The following RBFOX1 variants were observed in gnomAD, a reference collection of about 807,000 sequenced individuals.
RBFOX1 encodes the protein RNA binding protein fox-1 homolog 1.
In RBFOX1, 8 loss-of-function variants were observed where a neutral mutation model predicts 57.7. The ratio of observed to expected loss-of-function variants is 0.14; its 90% CI spans 0.08 to 0.25. RBFOX1 has a LOEUF of 0.25. Ranked by LOEUF, RBFOX1 falls within the 10% of genes least tolerant of loss-of-function variation. The probability of loss-of-function intolerance (pLI) is 1.00; values close to 1 mark genes in which losing one functional copy is unlikely to be tolerated. For missense variants in RBFOX1, 611 were observed against 548.5 expected (o/e 1.11, Z -1.14); for synonymous variants, 326 against 222.4 (o/e 1.47, Z -4.15).
At chr16:6,975,307 C>T (rs1455641952) in intron 3 of RBFOX1, among the ~76,000 whole-genome samples, 1 of 152,038 alleles carries the variant, frequency 6.6e-6, no homozygotes, top group Non-Finnish European at 1.5e-5. Flanking sequence ...ATTCTGTCAC[C>T]CAGGCTGGAG....
At chr16:6,630,767 T>C (rs1305254898) in intron 2 of RBFOX1, among the ~76,000 whole-genome samples, 4 of 151,934 alleles carry the variant, frequency 2.6e-5, no homozygotes, top group Admixed American at 2.0e-4. Context: ...GAGAAGGAGG[T>C]TGAAATTGTA....
chr16:7,591,539 T>A (rs2094442768), intron 7 of RBFOX1, among the ~76,000 whole-genome samples: 3 of 152,160 alleles, frequency 2.0e-5, no homozygotes, highest in Non-Finnish European at 4.4e-5. Context: ...AGTAAGCAAG[T>A]CACGTTGGTC....
chr16:5,532,575 G>C, intron 2 of RBFOX1, among the ~76,000 whole-genome samples: 1 of 152,206 alleles, frequency 6.6e-6, no homozygotes, highest in East Asian at 1.9e-4. Flanking sequence ...GTACAGCACA[G>C]AGCAGCACTG....
At chr16:7,519,618 AACC>A in intron 5 of RBFOX1, 3 of 828,396 alleles carry the variant, frequency 3.6e-6, no homozygotes, top group Non-Finnish European at 4.4e-6. Context: ...CATACCACAA[AACC>A]TGTATGGAAC....
intron 2 of RBFOX1, among the ~76,000 whole-genome samples, chr16:6,478,746 A>G (rs1033807817): frequency 1.3e-5 from 2 of 151,890 alleles, no homozygotes; most frequent in Admixed American, 1.3e-4. Flanking sequence ...GAGCAGGGGG[A>G]ATGGCCTGTC....
At chr16:5,412,341 CAAAGT>C (rs759027687) in intron 1 of RBFOX1, among the ~76,000 whole-genome samples, 20 of 152,288 alleles carry the variant, frequency 1.3e-4, no homozygotes, top group Non-Finnish European at 2.6e-4. Flanking sequence ...ATGCTAGGCA[CAAAGT>C]AAATACTCAA....
intron 3 of RBFOX1, among the ~76,000 whole-genome samples, chr16:5,687,977 CT>C (rs1264951551): frequency 6.6e-6 from 1 of 152,116 alleles, no homozygotes; most frequent in Non-Finnish European, 1.5e-5. Flanking sequence ...TGTAATTTTT[CT>C]TCTCGTTCTC....
chr16:6,949,963 T>C (rs1053966144), intron 3 of RBFOX1, among the ~76,000 whole-genome samples: 17 of 151,752 alleles, frequency 1.1e-4, no homozygotes, highest in Non-Finnish European at 1.5e-5. Context: ...TTGTTGTTTT[T>C]TGGTACAGAG....
chr16:5,508,441 C>T (rs949956079), intron 2 of RBFOX1, among the ~76,000 whole-genome samples: 4 of 152,210 alleles, frequency 2.6e-5, no homozygotes, highest in African/African-American at 9.6e-5. Flanking sequence ...CTGCAGCCTT[C>T]CTGTGGGCAT....
At chr16:7,408,713 C>T (rs951218839) in intron 4 of RBFOX1, among the ~76,000 whole-genome samples, 1 of 152,168 alleles carries the variant, frequency 6.6e-6, no homozygotes, top group African/African-American at 2.4e-5. Flanking sequence ...AGGTAGACAT[C>T]CCATGCATTG....
intron 3 of RBFOX1, among the ~76,000 whole-genome samples, chr16:7,033,726 A>T (rs951665876): frequency 1.3e-5 from 2 of 151,888 alleles, no homozygotes; most frequent in African/African-American, 2.4e-5. Context: ...GGGCGTGGCG[A>T]CTTATGCCTG....
chr16:7,045,748 C>G (rs1031357648), intron 3 of RBFOX1, among the ~76,000 whole-genome samples: 1 of 152,028 alleles, frequency 6.6e-6, no homozygotes, highest in Admixed American at 6.6e-5. Context: ...CTCTGCCACC[C>G]AGGTTCAAGC....
intron 2 of RBFOX1, among the ~76,000 whole-genome samples, chr16:6,515,974 C>G (rs538940396): frequency 6.6e-6 from 1 of 152,106 alleles, no homozygotes; most frequent in African/African-American, 2.4e-5. Flanking sequence ...ATACCTGAAC[C>G]CTGTATTTAG....
chr16:7,013,363 C>A (rs2093743643), intron 3 of RBFOX1, among the ~76,000 whole-genome samples: 1 of 152,186 alleles, frequency 6.6e-6, no homozygotes, highest in Non-Finnish European at 1.5e-5. Flanking sequence ...GTCCCTCTCA[C>A]TTGAAGGAAA....
chr16:5,657,654 TTTC>T (rs1273954207), intron 3 of RBFOX1, among the ~76,000 whole-genome samples: 1 of 131,012 alleles, frequency 7.6e-6, no homozygotes, highest in Non-Finnish European at 1.6e-5. Flanking sequence ...CTTTCTTTCT[TTTC>T]TTTTCTTTCT....
At chr16:6,096,606 G>A (rs1394081355) in intron 1 of RBFOX1, among the ~76,000 whole-genome samples, 1 of 152,152 alleles carries the variant, frequency 6.6e-6, no homozygotes, top group African/African-American at 2.4e-5. Context: ...GAAGTTTTGG[G>A]ATTCTGTGAA....
In RBFOX1 at chr16:6,274,441, G is replaced by A. The variant is rs907840722; in HGVS notation, c.-126-42554G>A. 5.3e-5 allele frequency among the ~76,000 whole-genome samples: 8 copies of A among 152,086 alleles called. No individual in the cohort carries two copies. In the East Asian group the frequency reaches 5.8e-4, roughly 11 times the overall value. On this transcript the variant is annotated intron_variant, in intron 1 of 15. Transcript: ENST00000550418. ...GAATGAATCTCCAGAAAATTATGCC[G>A]CATGAAAAATTCCAATTTATGTAAA...
chr16:6,862,188 T>C (rs1418636429), intron 3 of RBFOX1, among the ~76,000 whole-genome samples: 1 of 152,162 alleles, frequency 6.6e-6, no homozygotes, highest in East Asian at 1.9e-4. Context: ...GTGTCATGTT[T>C]AGGGACATAA....
rs867313632 is a variant in RBFOX1, at chr16:7,082,561, C to A, written c.27+30463C>A. On this transcript the variant is annotated intron_variant, in intron 4 of 15. Transcript: ENST00000550418. ...TGGGTGACAGAGTGAGACCATGTCTCAAAAAAAAAAAAATAAAAATTAAAA... is the reference window on the plus strand; with the variant it reads ...TGGGTGACAGAGTGAGACCATGTCTAAAAAAAAAAAAAATAAAAATTAAAA... 3.5e-3 allele frequency among the ~76,000 whole-genome samples: 440 copies of A among 124,974 alleles called. 2 individuals carry two copies. Among genetic ancestry groups the A allele is most frequent in the African/African-American group, 0.011 (382 of 33,756 alleles). The allele number at this position is 124,974 out of a possible 152,430, so 82.0% of individuals were successfully genotyped here.
Sources: gnomAD v4.1 joint callset for allele counts (sites outside exome capture counted in the v4.1 genomes callset) on GRCh38, gnomAD v4.1.1 for gene constraint, MANE v1.5 for transcripts, NCBI Gene and HGNC (gene_info 2026-07-23, HGNC 2026-07-21) for gene names.